The following CDK13 variants were observed in gnomAD, a reference collection of about 807,000 sequenced individuals.
CDK13 encodes the protein cyclin dependent kinase 13, also known as cyclin-dependent kinase 13.
In CDK13, 40 loss-of-function variants were observed where a neutral mutation model predicts 137.6. The ratio of observed to expected loss-of-function variants is 0.29; its 90% CI spans 0.23 to 0.38. The LOEUF (loss-of-function observed/expected upper bound fraction) is 0.38, where lower values mean the gene tolerates loss of function less well. CDK13 is among the 10% of genes least tolerant of loss of function. CDK13 has a pLI of 1.00. For synonymous variants in CDK13, 869 were observed against 760.1 expected (o/e 1.14, Z -2.36); for missense variants, 1,704 against 1,951.8 (o/e 0.87, Z 2.39).
intron 1 of CDK13, among the ~76,000 whole-genome samples, chr7:39,965,779 T>C (rs562530515): frequency 1.3e-5 from 2 of 152,226 alleles, no homozygotes; most frequent in Admixed American, 6.5e-5. Context: ...CCATGTTTAG[T>C]GCTTCCTTCA....
At chr7:40,044,239 G>A (rs983428697) in intron 5 of CDK13, among the ~76,000 whole-genome samples, 1 of 151,648 alleles carries the variant, frequency 6.6e-6, no homozygotes, top group African/African-American at 2.4e-5. Flanking sequence ...CTGGTCATTA[G>A]TAGTAATTTT....
At chr7:40,050,522 G>A (rs1380309500) in intron 7 of CDK13, among the ~76,000 whole-genome samples, 1 of 152,196 alleles carries the variant, frequency 6.6e-6, no homozygotes, top group African/African-American at 2.4e-5. Context: ...CTTCCGAGTA[G>A]CTGGGACTGC....
Position 40,066,341 on chromosome 7 carries a change from T to C in CDK13, c.2780+3241T>C, listed in dbSNP as rs1468285966. On this transcript the variant is annotated intron_variant, in intron 9 of 13. Transcript: ENST00000181839. Reference sequence around the variant, plus strand: ...ACAAGCTTTCTTATTCAGTCTTCTCTTGAAGAGTCTTATTAGATTAATTGA... The same window carrying C: ...ACAAGCTTTCTTATTCAGTCTTCTCCTGAAGAGTCTTATTAGATTAATTGA... Among the ~76,000 whole-genome samples the C allele has an allele frequency of 3.3e-5, 5 of 152,370 alleles. No individual in the cohort carries two copies. In the East Asian group the frequency reaches 9.6e-4, roughly 29 times the overall value.
At chr7:40,061,203 A>T in intron 7 of CDK13, 1 of 152,230 alleles carries the variant, frequency 6.6e-6, no homozygotes, top group East Asian at 1.9e-4. Flanking sequence ...GATTCCAGTA[A>T]ACAAGCAAAA....
intron 1 of CDK13, among the ~76,000 whole-genome samples, chr7:39,955,897 A>G (rs962402667): frequency 2.0e-5 from 3 of 152,184 alleles, no homozygotes; most frequent in Admixed American, 6.6e-5. Flanking sequence ...CTCTAAACCT[A>G]TGGAAGTTCC....
intron 7 of CDK13, among the ~76,000 whole-genome samples, chr7:40,055,156 C>CTGTGTG (rs56001601): frequency 0.05 from 7,052 of 140,346 alleles, 255 homozygotes; most frequent in African/African-American, 0.1. Context: ...GGCAGAAGGA[C>CTGTGTG]TGTGTGTGTG....
chr7:40,083,791 G>C lies in CDK13; in HGVS notation c.3030-4335G>C, dbSNP rs372763196. On this transcript the variant is annotated intron_variant, in intron 11 of 13. Transcript: ENST00000181839. ...ACAAATTATGGAATGTATCTTGTTA[G>C]ATACATTACTAAAGCAATCAAGTAA... is the stretch of plus-strand genomic sequence containing the variant. 3.9e-4 allele frequency among the ~76,000 whole-genome samples: 59 copies of C among 152,176 alleles called. 1 individual carries two copies. The South Asian group carries it at 0.012, about 31-fold the overall frequency.
intron 9 of CDK13, among the ~76,000 whole-genome samples, chr7:40,064,406 G>T (rs1786231169): frequency 6.6e-6 from 1 of 151,776 alleles, no homozygotes; most frequent in East Asian, 1.9e-4. Flanking sequence ...GAAAGATATT[G>T]ATAGGGGGTA....
rs566180381 is a variant in CDK13 at position 39,982,901 on chromosome 7, A to G, written c.1212-4698A>G. On this transcript the variant is annotated intron_variant, in intron 1 of 13. Coordinates refer to ENST00000181839, the MANE Select transcript of CDK13 (RefSeq NM_003718.5). ...TTGTAAATTTGTTTGAGTTCATTGT[A>G]GATTCTGGGTATTAGCCCTTTGTCA... Among the ~76,000 whole-genome samples the G allele has an allele frequency of 4.6e-5, 7 of 152,220 alleles. No individual in the cohort carries two copies. The East Asian group carries it at 1.4e-3, about 29-fold the overall frequency.
Position 40,096,051 on chromosome 7 carries a change from G to A in CDK13, c.*1071G>A, listed in dbSNP as rs1313630929. On this transcript the variant is annotated 3_prime_UTR_variant, in exon 14 of 14. Coordinates refer to ENST00000181839, the MANE Select transcript of CDK13 (RefSeq NM_003718.5). Reference sequence around the variant, plus strand: ...TGCCATATTATCCCTGTTTCCATTTGCCATGGATAATTGGAGGGTCATGGT... The same window carrying A: ...TGCCATATTATCCCTGTTTCCATTTACCATGGATAATTGGAGGGTCATGGT... The A allele has an allele frequency of 6.6e-6, 1 of 152,106 alleles. No homozygotes were observed. The highest frequency in any genetic ancestry group is 2.4e-5 in the African/African-American group (1 of 41,434). The allele number at this position is 152,106 out of a possible 1,614,324, so 9.4% of individuals were successfully genotyped here. A position where few individuals can be genotyped will look rare whatever the true frequency, so the allele number is the denominator to read the frequency against.
intron 9 of CDK13, chr7:40,070,630 TGAA>T (rs67544824): frequency 0.14 from 21,507 of 152,020 alleles, 5,031 homozygotes; most frequent in African/African-American, 0.49. Flanking sequence ...GAGAATCGCT[TGAA>T]CCTGGAAGGT....
Position 40,078,841 on chromosome 7 carries a change from C to T in CDK13, c.3019C>T (p.Pro1007Ser). The T allele has an allele frequency of 1.4e-6, 2 of 1,435,492 alleles. No individual in the cohort carries two copies. The highest frequency in any genetic ancestry group is 5.3e-5 in the East Asian group (2 of 37,404). The allele number at this position is 1,435,492 out of a possible 1,614,324, so 88.9% of individuals were successfully genotyped here. A position where few individuals can be genotyped will look rare whatever the true frequency, so the allele number is the denominator to read the frequency against. The change falls in exon 11 of 14, where the codon CCT becomes TCT. Residue 1007 changes from proline to serine, a missense_variant. Physicochemically the swap from Pro to Ser is moderately conservative, Grantham distance 74. Coordinates refer to ENST00000181839, the MANE Select transcript of CDK13 (RefSeq NM_003718.5). ...FLRDVEPSKM[P>S]PPDLPLWQDC... ...CCGAGATGTGGAACCCTCAAAAATG[C>T]CTCCACCAGAGTAAGTGACTTTTTA...
At chr7:40,014,444 T>TTC (rs1281931860) in intron 5 of CDK13, among the ~76,000 whole-genome samples, 45 of 146,778 alleles carry the variant, frequency 3.1e-4, no homozygotes, top group African/African-American at 6.4e-4. Context: ...CCATGTGTAT[T>TTC]TCTCTCTCTT....
intron 5 of CDK13, 29 bp downstream of exon 5, chr7:40,002,060 T>C: frequency 6.6e-7 from 1 of 1,522,426 alleles, no homozygotes; most frequent in Non-Finnish European, 8.8e-7. Flanking sequence ...ATAACGAATT[T>C]TTTGTATTCA....
chr7:40,003,858 C>T (rs1784744815), intron 5 of CDK13, among the ~76,000 whole-genome samples: 1 of 152,192 alleles, frequency 6.6e-6, no homozygotes, highest in Non-Finnish European at 1.5e-5. Flanking sequence ...TAATTTCTCA[C>T]GCCTGAGGTC....
intron 5 of CDK13, among the ~76,000 whole-genome samples, chr7:40,025,890 T>C (rs1785232776): frequency 6.6e-6 from 1 of 152,252 alleles, no homozygotes; most frequent in African/African-American, 2.4e-5. Flanking sequence ...CCAGTTCTGC[T>C]AACAGGTATT....
chr7:40,089,001 C>A (rs1026230146), intron 12 of CDK13, among the ~76,000 whole-genome samples: 2 of 151,618 alleles, frequency 1.3e-5, no homozygotes, highest in African/African-American at 2.4e-5. Context: ...ATCGCTTGAA[C>A]TGGGGAGGTG....
intron 5 of CDK13, among the ~76,000 whole-genome samples, chr7:40,026,532 T>G (rs1358747566): frequency 6.6e-6 from 1 of 152,146 alleles, no homozygotes; most frequent in Non-Finnish European, 1.5e-5. Flanking sequence ...TAAATAACAA[T>G]CTACCATTTA....
At chr7:39,967,893 T>TA (rs17496191) in intron 1 of CDK13, among the ~76,000 whole-genome samples, 15 of 149,138 alleles carry the variant, frequency 1.0e-4, no homozygotes, top group Admixed American at 2.7e-4. Flanking sequence ...ATGTCCTTTT[T>TA]AAAAAAAAAA....
Sources: gnomAD v4.1 joint callset for allele counts (sites outside exome capture counted in the v4.1 genomes callset) on GRCh38, gnomAD v4.1.1 for gene constraint, MANE v1.5 for transcripts, NCBI Gene and HGNC (gene_info 2026-07-23, HGNC 2026-07-21) for gene names.